The following CREB5 variants were observed in gnomAD, a reference collection of about 807,000 sequenced individuals.
The protein encoded by CREB5 is cyclic AMP-responsive element-binding protein 5.
A neutral mutation model predicts 57.1 loss-of-function variants in CREB5; 19 were observed. The ratio of observed to expected loss-of-function variants is 0.33; its 90% CI spans 0.23 to 0.49. The LOEUF (loss-of-function observed/expected upper bound fraction) is 0.49. CREB5 is among the 20% of genes least tolerant of loss of function. The probability of loss-of-function intolerance (pLI) is 0.99; values close to 1 mark genes in which losing one functional copy is unlikely to be tolerated. For missense variants in CREB5, 579 were observed against 671.6 expected (o/e 0.86, Z 1.52); for synonymous variants, 238 against 238.3 (o/e 1.00, Z 0.01).
intron 1 of CREB5, among the ~76,000 whole-genome samples, chr7:28,384,869 GT>G (rs1418141009): frequency 6.6e-6 from 1 of 151,978 alleles, no homozygotes; most frequent in East Asian, 1.9e-4. Context: ...ATTGGTAAAT[GT>G]TTCCTTGTTA....
chr7:28,802,435 A>C (rs943746164), intron 7 of CREB5, among the ~76,000 whole-genome samples: 1 of 152,128 alleles, frequency 6.6e-6, no homozygotes, highest in African/African-American at 2.4e-5. Context: ...TTAATATTGT[A>C]CAGTGTTAGA....
intron 9 of CREB5, among the ~76,000 whole-genome samples, chr7:28,809,663 T>C (rs12531405): frequency 0.7 from 106,884 of 152,134 alleles, 38,086 homozygotes; most frequent in Non-Finnish European, 0.73. Flanking sequence ...GTTGTAGGGG[T>C]GGGAGAACAG....
chr7:28,352,590 G>C (rs1447022993), intron 1 of CREB5, among the ~76,000 whole-genome samples: 1 of 152,014 alleles, frequency 6.6e-6, no homozygotes, highest in Admixed American at 6.6e-5. Flanking sequence ...TTTCTCTTTG[G>C]GCTGGCTCCC....
At chr7:28,522,675 G>A (rs1180470269) in intron 4 of CREB5, among the ~76,000 whole-genome samples, 1 of 152,178 alleles carries the variant, frequency 6.6e-6, no homozygotes, top group Non-Finnish European at 1.5e-5. Context: ...TGGGATTACA[G>A]GTGTGAGGCC....
intron 4 of CREB5, among the ~76,000 whole-genome samples, chr7:28,513,062 C>G (rs1792782299): frequency 6.6e-6 from 1 of 152,180 alleles, no homozygotes; most frequent in Admixed American, 6.5e-5. Context: ...GCTGTTTAAT[C>G]TGATTAAATT....
intron 5 of CREB5, among the ~76,000 whole-genome samples, chr7:28,608,083 CCTCTCTCTCTGT>C (rs1267054399): frequency 7.8e-6 from 1 of 128,756 alleles, no homozygotes; most frequent in Non-Finnish European, 1.7e-5. Flanking sequence ...CACACCCATG[CCTCTCTCTCTGT>C]CTCTCTCTCT....
intron 1 of CREB5, among the ~76,000 whole-genome samples, chr7:28,330,576 T>G (rs1354150887): frequency 6.6e-6 from 1 of 151,810 alleles, no homozygotes; most frequent in Non-Finnish European, 1.5e-5. Context: ...TTCATTTAGT[T>G]TGTAATACGC....
intron 1 of CREB5, among the ~76,000 whole-genome samples, chr7:28,436,355 T>G (rs1463599248): frequency 2.6e-5 from 4 of 152,124 alleles, no homozygotes; most frequent in African/African-American, 9.7e-5. Flanking sequence ...TTGGTTTGTG[T>G]TTAGCCTGTG....
chr7:28,370,625 A>G (rs1006605460), intron 1 of CREB5, among the ~76,000 whole-genome samples: 3 of 152,216 alleles, frequency 2.0e-5, no homozygotes, highest in Admixed American at 2.0e-4. Flanking sequence ...AATAATAAAT[A>G]AGGTAGAAGC....
At chr7:28,591,666 A>T (rs1485287493) in intron 5 of CREB5, among the ~76,000 whole-genome samples, 1 of 152,194 alleles carries the variant, frequency 6.6e-6, no homozygotes, top group East Asian at 1.9e-4. Flanking sequence ...TAGTGCTATC[A>T]GAAGACCAAA....
At chr7:28,302,326 T>C (rs1785109401) in intron 1 of CREB5, among the ~76,000 whole-genome samples, 1 of 152,226 alleles carries the variant, frequency 6.6e-6, no homozygotes, top group South Asian at 2.1e-4. Flanking sequence ...CAAACATTTA[T>C]GCAATTCTCT....
chr7:28,498,862 AG>A (rs1792163494), intron 3 of CREB5, among the ~76,000 whole-genome samples: 1 of 152,162 alleles, frequency 6.6e-6, no homozygotes, highest in Non-Finnish European at 1.5e-5. Context: ...CACTCTCTTC[AG>A]CTGTTCTCAT....
At chr7:28,343,143 T>C (rs974354314) in intron 1 of CREB5, among the ~76,000 whole-genome samples, 2 of 152,184 alleles carry the variant, frequency 1.3e-5, no homozygotes, top group Non-Finnish European at 2.9e-5. Flanking sequence ...GATTTCACCG[T>C]GTTAGCCAGG....
intron 4 of CREB5, among the ~76,000 whole-genome samples, chr7:28,564,217 T>C (rs1004793389): frequency 1.3e-5 from 2 of 152,180 alleles, no homozygotes; most frequent in South Asian, 4.1e-4. Context: ...AACTCGTAAA[T>C]GCGAGTTAAG....
chr7:28,547,481 T>G (rs1371945225), intron 4 of CREB5, among the ~76,000 whole-genome samples: 1 of 152,242 alleles, frequency 6.6e-6, no homozygotes, highest in Non-Finnish European at 1.5e-5. Context: ...CAGTTGTTTC[T>G]TCTTTGGGAA....
intron 3 of CREB5, among the ~76,000 whole-genome samples, chr7:28,495,713 A>G (rs1792011964): frequency 6.6e-6 from 1 of 152,132 alleles, no homozygotes. Flanking sequence ...AAAATAAAGG[A>G]TCATCTATGA....
chr7:28,310,791 C>A (rs1371823571), intron 1 of CREB5, among the ~76,000 whole-genome samples: 1 of 152,116 alleles, frequency 6.6e-6, no homozygotes, highest in East Asian at 1.9e-4. Context: ...CTTCAGTGTT[C>A]TGAATTATGC....
At chr7:28,551,973 CTTTCTCTCTCTCTTTCTCTCT>C (rs1794678845) in intron 4 of CREB5, among the ~76,000 whole-genome samples, 2 of 111,552 alleles carry the variant, frequency 1.8e-5, no homozygotes, top group African/African-American at 4.5e-5. Flanking sequence ...TTTATTCTCT[CTTTCTCTCTCTCTTTCTCTCT>C]TTTCTCTCTC....
At chr7:28,449,723 G>A (rs1300929969) in intron 1 of CREB5, among the ~76,000 whole-genome samples, 1 of 152,148 alleles carries the variant, frequency 6.6e-6, no homozygotes, top group African/African-American at 2.4e-5. Flanking sequence ...GGGGACCTGA[G>A]GTCGTAACTC....
Sources: gnomAD v4.1 joint callset for allele counts (sites outside exome capture counted in the v4.1 genomes callset) on GRCh38, gnomAD v4.1.1 for gene constraint, MANE v1.5 for transcripts, NCBI Gene and HGNC (gene_info 2026-07-23, HGNC 2026-07-21) for gene names.